Variants in SPIDR observed in about 807,000 individuals in gnomAD.
SPIDR encodes scaffold protein involved in DNA repair.
SPIDR carries 93 observed loss-of-function variants against 104.6 expected under a neutral mutation model. The observed-to-expected ratio is 0.89, with a 90% CI of 0.75 to 1.06. The LOEUF is 1.06. Among genes scored for constraint, SPIDR ranks in the 50% least tolerant of loss-of-function variants. SPIDR has a pLI of 0.00. For synonymous variants in SPIDR, 431 were observed against 416.9 expected, an observed-to-expected ratio of 1.03 and a Z score of -0.41; for missense variants, 1,154 against 1,111.2, an observed-to-expected ratio of 1.04 and a Z score of -0.55.
At chr8:47,633,559 A>AG (rs2067401974) in intron 10 of SPIDR, among the ~76,000 whole-genome samples, 8 of 12,838 alleles carry the variant, frequency 6.2e-4, no homozygotes, top group Non-Finnish European at 3.0e-4. Flanking sequence ...CAAATGATTG[A>AG]AAAAAAAAAA....
At chr8:47,686,473 G>A (rs1347348168) in intron 11 of SPIDR, among the ~76,000 whole-genome samples, 2 of 152,136 alleles carry the variant, frequency 1.3e-5, no homozygotes, top group Non-Finnish European at 2.9e-5. Flanking sequence ...TGCTGAAAGT[G>A]GAAAGAAAAG....
chr8:47,461,660 C>T (rs183988242), intron 8 of SPIDR, among the ~76,000 whole-genome samples: 94 of 152,122 alleles, frequency 6.2e-4, no homozygotes, highest in Non-Finnish European at 1.2e-3. Flanking sequence ...TGAGTTAATT[C>T]AAAAACCTTG....
chr8:47,585,054 G>T (rs1411120160), intron 8 of SPIDR, among the ~76,000 whole-genome samples: 2 of 152,154 alleles, frequency 1.3e-5, no homozygotes, highest in Non-Finnish European at 2.9e-5. Flanking sequence ...TAGGATAAAT[G>T]ACAATTAGAG....
At chr8:47,571,032 A>T (rs2058455748) in intron 8 of SPIDR, among the ~76,000 whole-genome samples, 1 of 152,018 alleles carries the variant, frequency 6.6e-6, no homozygotes, top group Admixed American at 6.6e-5. Flanking sequence ...CAGAAGTTGC[A>T]GTGAGCCGAG....
At chr8:47,410,519 T>C (rs1554670513) in intron 7 of SPIDR, among the ~76,000 whole-genome samples, 1 of 152,136 alleles carries the variant, frequency 6.6e-6, no homozygotes, top group East Asian at 1.9e-4. Flanking sequence ...CAATCCATTG[T>C]TATACTTACG....
chr8:47,691,887 C>T (rs1022494709), intron 11 of SPIDR, among the ~76,000 whole-genome samples: 3 of 152,228 alleles, frequency 2.0e-5, no homozygotes, highest in Non-Finnish European at 2.9e-5. Context: ...ACTGGGCTCG[C>T]TCCCAACCCT....
intron 8 of SPIDR, among the ~76,000 whole-genome samples, chr8:47,568,697 AAG>A (rs1262306103): frequency 1.3e-5 from 2 of 152,218 alleles, no homozygotes; most frequent in Non-Finnish European, 2.9e-5. Flanking sequence ...GAGAAAGAGA[AAG>A]GGGCAGAAAA....
chr8:47,612,271 C>T (rs2063703872), intron 10 of SPIDR, among the ~76,000 whole-genome samples: 1 of 152,204 alleles, frequency 6.6e-6, no homozygotes, highest in South Asian at 2.1e-4. Context: ...AGAACGCTGA[C>T]TACTCTGGAA....
chr8:47,470,836 G>A (rs77828710), intron 8 of SPIDR, among the ~76,000 whole-genome samples: 1 of 151,818 alleles, frequency 6.6e-6, no homozygotes, highest in African/African-American at 2.4e-5. Context: ...CTGGGTTCCC[G>A]CCATTCTCCT....
intron 8 of SPIDR, among the ~76,000 whole-genome samples, chr8:47,457,492 A>G (rs2073188886): frequency 6.6e-6 from 1 of 152,088 alleles, no homozygotes; most frequent in Non-Finnish European, 1.5e-5. Flanking sequence ...GATTCTGGAT[A>G]TTAGTACTTT....
chr8:47,418,124 A>G (rs1444116419), intron 7 of SPIDR, among the ~76,000 whole-genome samples: 2 of 152,130 alleles, frequency 1.3e-5, no homozygotes, highest in South Asian at 2.1e-4. Context: ...TTGGTTCCAT[A>G]TGAACTTTAA....
chr8:47,633,346 C>T (rs1488236430), intron 10 of SPIDR, among the ~76,000 whole-genome samples: 1 of 151,856 alleles, frequency 6.6e-6, no homozygotes, highest in African/African-American at 2.4e-5. Context: ...TTCCTTGTCT[C>T]CTCCTGCTTT....
chr8:47,495,805 A>C (rs898994756), intron 8 of SPIDR, among the ~76,000 whole-genome samples: 4 of 152,082 alleles, frequency 2.6e-5, no homozygotes, highest in African/African-American at 2.4e-5. Context: ...CTTCTTCTTC[A>C]ATTTTCTTGG....
At chr8:47,304,782 G>A (rs1406485695) in intron 5 of SPIDR, among the ~76,000 whole-genome samples, 1 of 152,196 alleles carries the variant, frequency 6.6e-6, no homozygotes, top group Non-Finnish European at 1.5e-5. Context: ...ACCAATGTGA[G>A]AATGGTATAC....
intron 8 of SPIDR, among the ~76,000 whole-genome samples, chr8:47,500,325 T>C (rs959527569): frequency 6.6e-6 from 1 of 152,156 alleles, no homozygotes; most frequent in African/African-American, 2.4e-5. Flanking sequence ...ACTTTTTAAT[T>C]ATCACCATTC....
chr8:47,405,198 C>G (rs2062548197), intron 6 of SPIDR, among the ~76,000 whole-genome samples: 1 of 151,364 alleles, frequency 6.6e-6, no homozygotes, highest in South Asian at 2.1e-4. Flanking sequence ...ACACCGGGGC[C>G]TGTCATGTGG....
At chr8:47,275,694 A>G (rs2154217826) in intron 1 of SPIDR, among the ~76,000 whole-genome samples, 1 of 152,368 alleles carries the variant, frequency 6.6e-6, no homozygotes, top group Non-Finnish European at 1.5e-5. Context: ...CTAATAGGGT[A>G]GGAAAACATT....
chr8:47,412,420 G>T (rs1003302184), intron 7 of SPIDR, among the ~76,000 whole-genome samples: 11 of 152,300 alleles, frequency 7.2e-5, no homozygotes, highest in African/African-American at 2.2e-4. Context: ...CATATTGGTT[G>T]GAAAGGCTGG....
At chr8:47,297,838 T>A (rs2041180628) in intron 5 of SPIDR, among the ~76,000 whole-genome samples, 1 of 152,248 alleles carries the variant, frequency 6.6e-6, no homozygotes, top group East Asian at 1.9e-4. Context: ...GTGCCACATT[T>A]TCTTAATCCA....
Sources: allele counts gnomAD v4.1 joint callset (sites outside exome capture counted in the v4.1 genomes callset), GRCh38; gene constraint gnomAD v4.1.1; transcripts MANE v1.5; gene names NCBI Gene and HGNC (gene_info 2026-07-23, HGNC 2026-07-21).